GP2: variants seen among roughly 807,000 people sequenced by gnomAD.
GP2 encodes the protein glycoprotein 2.
Under a neutral mutation model 60.8 loss-of-function variants are expected in GP2, and 58 were observed. The ratio of observed to expected loss-of-function variants is 0.95; its 90% CI spans 0.77 to 1.19. The LOEUF is 1.19. GP2 is among the 50% of genes most tolerant of loss of function. The pLI is 0.00. For synonymous variants in GP2, 280 were observed against 253.4 expected (o/e 1.10, Z -1.00); for missense variants, 647 against 667.4 (o/e 0.97, Z 0.34).
rs757794732 is a variant in GP2, at chr16:20,324,069, G to A, written c.282C>T (p.Arg94=). 3 of 1,614,014 alleles carry A rather than the reference G, an allele frequency of 1.9e-6. No individual in the cohort carries two copies. The highest frequency in any genetic ancestry group is 2.5e-6 in the Non-Finnish European group (3 of 1,179,862). The change falls in exon 3 of 11, where the codon CGC becomes CGT. Residue 94 remains arginine, a synonymous_variant. Coordinates refer to ENST00000302555, the MANE Select transcript of GP2 (RefSeq NM_001502.4). ...TCCTTACTCCTCCTTCCCCTACAAA[G>A]CGGTACCAGCCGCTCATGTTTTTAT... ...GCDKNMSGWY[R]FVGEGGVRMS...
chr16:20,323,223 A>G (rs995144589), intron 3 of GP2, among the ~76,000 whole-genome samples: 1 of 152,204 alleles, frequency 6.6e-6, no homozygotes, highest in Non-Finnish European at 1.5e-5. Flanking sequence ...AGCCTATTCA[A>G]TCAAAATGAG....
intron 4 of GP2, 129 bp downstream of exon 4, chr16:20,322,740 G>A (rs1189524967): frequency 1.7e-6 from 1 of 594,620 alleles, no homozygotes; most frequent in Non-Finnish European, 3.0e-6. Flanking sequence ...GGATTGGAGA[G>A]CCCACATTCC....
intron 4 of GP2, among the ~76,000 whole-genome samples, chr16:20,322,006 G>GA (rs776780959): frequency 3.3e-5 from 5 of 152,224 alleles, no homozygotes; most frequent in Non-Finnish European, 7.3e-5. Context: ...TCAATGAGCA[G>GA]AAAGAGTCTT....
At chr16:20,321,347 C>A (rs1158520411) in intron 4 of GP2, among the ~76,000 whole-genome samples, 2 of 152,224 alleles carry the variant, frequency 1.3e-5, no homozygotes, top group Admixed American at 1.3e-4. Context: ...CAGGCATGAG[C>A]CACTTTACCA....
At position 20,315,096 on chromosome 16, in the gene GP2, A is replaced by G. The variant is rs548211790; in HGVS notation, c.1502-395T>C. 1.3e-3 allele frequency among the ~76,000 whole-genome samples: 202 copies of G among 152,296 alleles called. 1 individual carries two copies. Among genetic ancestry groups the G allele is most frequent in the African/African-American group, 4.6e-3 (190 of 41,576 alleles). On this transcript the variant is annotated intron_variant, in intron 9 of 10. Transcript: ENST00000302555. ...CCCTGTGATGCCACCTGAGGCTTCA[A>G]GTTGAGAGCTCAGTGAAATGGTAGG...
intron 8 of GP2, among the ~76,000 whole-genome samples, chr16:20,316,417 G>C (rs997571354): frequency 2.6e-5 from 4 of 152,198 alleles, no homozygotes; most frequent in African/African-American, 9.6e-5. Flanking sequence ...ATGCAGGCAA[G>C]AGCAGGGGCA....
At position 20,314,652 on chromosome 16, in the gene GP2, T is replaced by C. The variant is rs1165379539; in HGVS notation, c.1546+5A>G. On this transcript the variant is annotated splice_donor_5th_base_variant and intron_variant, in intron 10 of 10. Coordinates refer to ENST00000302555, the MANE Select transcript of GP2 (RefSeq NM_001502.4). ...CTGTGGGAAAGGCATGAGAAAATGA[T>C]GTACCTGCAGTGCTAGGGGTTCCAT... 4.4e-6 allele frequency: 7 copies of C among 1,580,896 alleles called. No individual in the cohort carries two copies. Among genetic ancestry groups the C allele is most frequent in the Non-Finnish European group, 8.7e-7 (1 of 1,149,764 alleles).
chr16:20,311,357 T>A, intron 10 of GP2, 76 bp from the exon 11 acceptor site: 2 of 856,312 alleles, frequency 2.3e-6, no homozygotes, highest in South Asian at 2.7e-5. Context: ...CCTCTTTGTC[T>A]TTCACAACAC....
intron 8 of GP2, among the ~76,000 whole-genome samples, chr16:20,316,701 TG>T (rs1282496053): frequency 6.6e-6 from 1 of 152,146 alleles, no homozygotes; most frequent in African/African-American, 2.4e-5. Context: ...ATCTGCCTCC[TG>T]GGGACACAAA....
rs1963968116 is a variant in GP2, at chr16:20,310,656, C to A, written c.*567G>T. The A allele has an allele frequency of 6.5e-6, 1 of 152,694 alleles. No individual in the cohort carries two copies. Among genetic ancestry groups the A allele is most frequent in the Non-Finnish European group, 1.5e-5 (1 of 68,558 alleles). 9.5% of individuals were successfully genotyped at this position (152,694 alleles called of 1,614,324 possible). A position where few individuals can be genotyped will look rare whatever the true frequency, so the allele number is the denominator to read the frequency against. ...CCACACTTCCGGTAAAGGCTGGAGC[C>A]ACAGAGGGCACCTAGCAAGCTTGCT... is the stretch of plus-strand genomic sequence containing the variant. On this transcript the variant is annotated 3_prime_UTR_variant, in exon 11 of 11. Coordinates refer to ENST00000302555, the MANE Select transcript of GP2 (RefSeq NM_001502.4).
intron 4 of GP2, among the ~76,000 whole-genome samples, chr16:20,321,361 A>G (rs1964352493): frequency 6.6e-6 from 1 of 152,206 alleles, no homozygotes; most frequent in South Asian, 2.1e-4. Context: ...TTTACCAACC[A>G]CCTTCTCAAA....
Position 20,315,975 on chromosome 16 carries a change from C to T in GP2, c.1482G>A (p.Leu494=). Residue 494 remains leucine, a synonymous_variant, in exon 9 of 11, where the codon TTG becomes TTA. Coordinates refer to ENST00000302555, the MANE Select transcript of GP2 (RefSeq NM_001502.4). The part of the protein sequence containing the change: ...PAIDLARVLD[L]GPITRRGAQS... ...ACTTACCTCTCCGAGTGATGGGCCC[C>T]AAATCTAGAACCCGGGCTAGGTCGA... 1 of 1,612,614 alleles carries T rather than the reference C, an allele frequency of 6.2e-7. No individual in the cohort carries two copies. Among genetic ancestry groups the T allele is most frequent in the East Asian group, 2.2e-5 (1 of 44,876 alleles).
chr16:20,327,122 G>A (rs1036028757), intron 1 of GP2, among the ~76,000 whole-genome samples: 5 of 152,138 alleles, frequency 3.3e-5, no homozygotes, highest in African/African-American at 4.8e-5. Flanking sequence ...AATAGAGATC[G>A]GTTTCGGGCA....
At chr16:20,325,871 T>A (rs1964517492) in intron 2 of GP2, among the ~76,000 whole-genome samples, 1 of 152,234 alleles carries the variant, frequency 6.6e-6, no homozygotes. Context: ...AGGCCTCCAA[T>A]GAGCTCAGTA....
chr16:20,312,248 T>C (rs1964013976), intron 10 of GP2, among the ~76,000 whole-genome samples: 1 of 152,228 alleles, frequency 6.6e-6, no homozygotes, highest in Non-Finnish European at 1.5e-5. Flanking sequence ...AGGAGAAATA[T>C]GTGAGCCTTC....
intron 3 of GP2, 195 bp downstream of exon 3, chr16:20,323,621 C>T (rs1244718543): frequency 3.3e-6 from 2 of 601,598 alleles, no homozygotes; most frequent in Non-Finnish European, 3.0e-6. Flanking sequence ...GGAAATTTCA[C>T]CCTTGAATGG....
chr16:20,326,608 A>G, intron 1 of GP2, 141 bp from the exon 2 acceptor site: 1 of 682,900 alleles, frequency 1.5e-6, no homozygotes, highest in South Asian at 2.0e-5. Flanking sequence ...ATAATGGGTG[A>G]TAAAATTGAC....
rs542127500 is a variant in GP2, at chr16:20,321,872, G to C, written c.646+997C>G. Among the ~76,000 whole-genome samples the C allele has an allele frequency of 1.6e-3, 241 of 152,310 alleles. 1 individual carries two copies. The highest frequency in any genetic ancestry group is 5.1e-3 in the African/African-American group (210 of 41,568). ...TTGAGGCAGGCCACCTGCTCACTCA[G>C]TCAGCTGAGACTGTCCTTGGAGCCC... On this transcript the variant is annotated intron_variant, in intron 4 of 10. Coordinates refer to ENST00000302555, the MANE Select transcript of GP2 (RefSeq NM_001502.4).
At chr16:20,315,853 G>A (rs117793465) in intron 9 of GP2, 103 bp downstream of exon 9, 11,571 of 753,622 alleles carry the variant, frequency 0.015, 128 homozygotes, top group Non-Finnish European at 0.021. Context: ...TCAGACTGAG[G>A]TGGTACAAGA....
Sources: allele counts gnomAD v4.1 joint callset (sites outside exome capture counted in the v4.1 genomes callset), GRCh38; gene constraint gnomAD v4.1.1; transcripts MANE v1.5; gene names NCBI Gene and HGNC (gene_info 2026-07-23, HGNC 2026-07-21).